Variants in PDXDC1 observed in about 807,000 individuals in gnomAD.
The protein encoded by PDXDC1 is pyridoxal dependent decarboxylase domain containing 1.
A neutral mutation model predicts 100.1 loss-of-function variants in PDXDC1; 42 were observed. The observed-to-expected ratio is 0.42, with a 90% CI of 0.33 to 0.54. PDXDC1 has a LOEUF of 0.54. PDXDC1 is among the 20% of genes least tolerant of loss of function. The pLI, the probability that PDXDC1 is intolerant of heterozygous loss-of-function variation, is 0.10. For synonymous variants in PDXDC1, 260 were observed against 371.7 expected, an observed-to-expected ratio of 0.70 and a Z score of 3.46; for missense variants, 636 against 979.2, an observed-to-expected ratio of 0.65 and a Z score of 4.68.
At chr16:14,998,003 AATT>A (rs1454613505) in intron 2 of PDXDC1, among the ~76,000 whole-genome samples, 177 bp downstream of exon 2, 4 of 152,400 alleles carry the variant, frequency 2.6e-5, no homozygotes, top group Non-Finnish European at 5.9e-5. Context: ...AGGATTTTGA[AATT>A]GAGAGGAAAG....
chr16:15,075,008 G>C (rs745796305), intron 16 of PDXDC1: 3 of 763,316 alleles, frequency 3.9e-6, no homozygotes, highest in Non-Finnish European at 6.1e-6. Context: ...CCAGCACTTT[G>C]GGAAGCAGAG....
At chr16:15,133,119 G>T in intron 16 of PDXDC1, 1 of 645,728 alleles carries the variant, frequency 1.5e-6, no homozygotes, top group Admixed American at 2.5e-5. Context: ...GCTGGGAGCG[G>T]AACGTCGGGG....
At chr16:15,061,624 C>T (rs2044713267) in intron 16 of PDXDC1, 13 of 891,308 alleles carry the variant, frequency 1.5e-5, no homozygotes, top group East Asian at 1.0e-4. Context: ...GTGCCACAGC[C>T]GAGGCAGGCA....
intron 1 of PDXDC1, among the ~76,000 whole-genome samples, chr16:14,980,077 T>C (rs1967612257): frequency 6.6e-6 from 1 of 152,278 alleles, no homozygotes; most frequent in South Asian, 2.1e-4. Flanking sequence ...CAGGGAAAAC[T>C]GATGGGACTC....
At chr16:15,019,432 G>A (rs1399549949) in intron 12 of PDXDC1, among the ~76,000 whole-genome samples, 3 of 152,288 alleles carry the variant, frequency 2.0e-5, no homozygotes, top group Non-Finnish European at 4.4e-5. Context: ...CATTTTAGGT[G>A]TGTTCTAATT....
chr16:15,105,694 TTTCAC>T, intron 16 of PDXDC1: 9 of 681,420 alleles, frequency 1.3e-5, no homozygotes, highest in East Asian at 2.8e-5. Flanking sequence ...TAAAACTGTG[TTTCAC>T]TTCAAGTGTA....
downstream of PDXDC1, among the ~76,000 whole-genome samples, chr16:15,141,205 C>T (rs1314297191): frequency 2.0e-5 from 3 of 152,234 alleles, no homozygotes; most frequent in Admixed American, 6.5e-5. Flanking sequence ...GCTCCGCTCC[C>T]GCAGCAGCCT....
At chr16:14,990,100 G>A (rs1347684193) in intron 1 of PDXDC1, 12 of 1,483,780 alleles carry the variant, frequency 8.1e-6, no homozygotes, top group Non-Finnish European at 9.8e-6. Flanking sequence ...CAGAGGAGGC[G>A]GCGGGCCCAG....
Position 15,034,478 on chromosome 16 carries a change from G to T in PDXDC1, c.1927G>T (p.Val643Leu). Residue 643 changes from valine (V) to leucine (L), a missense_variant, in exon 21 of 23, where the codon GTA becomes TTA. This residue lies in a region of PDXDC1 where 452 missense variants were observed against 402.9 expected (regional missense o/e 1.12). Transcript: ENST00000396410. ...LEEGVLRQIP[V>L]VGSVLNWFSP... ...GCAGGGGGTGTTGCGGCAGATCCCT[G>T]TAGTGGGCTCCGTGCTGAATTGGTT... The T allele has an allele frequency of 1.9e-6, 3 of 1,614,130 alleles. No individual in the cohort carries two copies. In the South Asian group the frequency reaches 3.3e-5, roughly 18 times the overall value.
intron 22 of PDXDC1, 131 bp from the exon 23 acceptor site, chr16:15,035,885 C>T: frequency 3.1e-6 from 3 of 980,522 alleles, no homozygotes; most frequent in Non-Finnish European, 4.6e-6. Flanking sequence ...TCTCCTAAAA[C>T]ACCTCAGAGC....
chr16:15,135,515 A>AC (rs1006505309), intron 16 of PDXDC1: 1 of 1,114,862 alleles, frequency 9.0e-7, no homozygotes, highest in Non-Finnish European at 1.3e-6. Context: ...AGCGCGGGAG[A>AC]CCCCCTCCCC....
At chr16:15,073,212 TC>T (rs1207981845) in intron 16 of PDXDC1, 18 of 1,034,004 alleles carry the variant, frequency 1.7e-5, no homozygotes, top group Non-Finnish European at 2.4e-5. Flanking sequence ...CTGCCTGCAA[TC>T]CCAGCACTTT....
At chr16:15,010,350 A>C (rs1376542959) in intron 8 of PDXDC1, 9 of 155,910 alleles carry the variant, frequency 5.8e-5, no homozygotes, top group African/African-American at 2.2e-4. Context: ...GCCTGGCCTG[A>C]ATTTTTAAAT....
the PDXDC1 span, among the ~76,000 whole-genome samples, chr16:15,147,539 C>A: frequency 5.3e-5 from 8 of 152,140 alleles, no homozygotes; most frequent in African/African-American, 1.9e-4. Context: ...TAGACCTTTT[C>A]TTTTTGAGAC....
chr16:15,133,828 C>T (rs960147133), intron 16 of PDXDC1: 168 of 1,581,978 alleles, frequency 1.1e-4, no homozygotes, highest in East Asian at 6.4e-4. Flanking sequence ...GTGGTGAGGG[C>T]GTGCACAGCG....
chr16:15,090,742 T>C (rs1162944987), intron 16 of PDXDC1, among the ~76,000 whole-genome samples: 1 of 152,220 alleles, frequency 6.6e-6, no homozygotes, highest in Non-Finnish European at 1.5e-5. Context: ...GCAATCTAAC[T>C]ACCACTGCCA....
In PDXDC1 at chr16:14,983,742, A is replaced by G. The variant is rs142800520; in HGVS notation, c.21+8522A>G. 7.5e-4 allele frequency among the ~76,000 whole-genome samples: 115 copies of G among 152,406 alleles called. 1 individual carries two copies. In the East Asian group the frequency reaches 0.02, roughly 27 times the overall value. ...TAGTATTTTCTTTTAAATCTACTTT[A>G]CATCAATTTACTCCCCCTTTATGAA... On this transcript the variant is annotated intron_variant, in intron 1 of 22. Coordinates refer to ENST00000396410, the MANE Select transcript of PDXDC1 (RefSeq NM_015027.4).
intron 16 of PDXDC1, chr16:15,060,167 A>C (rs1343659100): frequency 2.3e-6 from 1 of 426,312 alleles, no homozygotes; most frequent in Non-Finnish European, 4.6e-6. Flanking sequence ...GTCTTTCTAC[A>C]TTAAAACTAC....
At chr16:15,047,849 T>C in intron 16 of PDXDC1, 1 of 1,609,048 alleles carries the variant, frequency 6.2e-7, no homozygotes, top group Non-Finnish European at 8.5e-7. Flanking sequence ...ACCTCTCTCA[T>C]CATACCTGTG....
Sources: gnomAD v4.1 joint callset for allele counts (sites outside exome capture counted in the v4.1 genomes callset) on GRCh38, gnomAD v4.1.1 for gene constraint, gnomAD v4.1.1 regional missense constraint, MANE v1.5 for transcripts, NCBI Gene and HGNC (gene_info 2026-07-23, HGNC 2026-07-21) for gene names.